LONRF1: variants seen among roughly 807,000 people sequenced by gnomAD.
LONRF1 encodes the protein LON peptidase N-terminal domain and RING finger protein 1.
A neutral mutation model predicts 85.8 loss-of-function variants in LONRF1; 37 were observed. The ratio of observed to expected loss-of-function variants is 0.43; its 90% CI spans 0.33 to 0.57. The LOEUF (loss-of-function observed/expected upper bound fraction) is 0.57, where lower values mean the gene tolerates loss of function less well. Ranked by LOEUF, LONRF1 falls within the 20% of genes least tolerant of loss-of-function variation. LONRF1 has a pLI of 0.04. For missense variants in LONRF1, 1,036 were observed against 978.0 expected (o/e 1.06, Z -0.79); for synonymous variants, 517 against 390.1 (o/e 1.33, Z -3.83).
In LONRF1 at chr8:12,722,273, A is replaced by T. The variant is rs1805919551; in HGVS notation, c.*823T>A. Reference sequence around the variant, plus strand: ...TATAAATTACACAAATGGGCAGTTAATGTGAAAAGCCCCCTAAAATGTACA... The same window carrying T: ...TATAAATTACACAAATGGGCAGTTATTGTGAAAAGCCCCCTAAAATGTACA... On this transcript the variant is annotated 3_prime_UTR_variant, in exon 12 of 12. Transcript: ENST00000398246. 6.5e-6 allele frequency: 1 copy of T among 152,682 alleles called. No homozygotes were observed. The highest frequency in any genetic ancestry group is 1.5e-5 in the Non-Finnish European group (1 of 68,042). The allele number at this position is 152,682 out of a possible 1,614,324, so 9.5% of individuals were successfully genotyped here.
At chr8:12,752,392 T>C (rs987134790) in intron 1 of LONRF1, among the ~76,000 whole-genome samples, 1 of 152,224 alleles carries the variant, frequency 6.6e-6, no homozygotes, top group East Asian at 1.9e-4. Context: ...TGAGATTTTT[T>C]TCCTGTTAGT....
chr8:12,738,249 C>T (rs1798797580), intron 3 of LONRF1, 105 bp from the exon 4 acceptor site: 1 of 786,428 alleles, frequency 1.3e-6, no homozygotes, highest in African/African-American at 1.8e-5. Context: ...TTGTAGCAGA[C>T]ATTTTTTTAA....
intron 7 of LONRF1, among the ~76,000 whole-genome samples, chr8:12,732,488 A>G (rs978791765): frequency 6.6e-6 from 1 of 152,130 alleles, no homozygotes; most frequent in East Asian, 1.9e-4. Context: ...GCTCTATATA[A>G]AATCTTACAT....
intron 2 of LONRF1, 63 bp from the exon 3 acceptor site, chr8:12,741,059 C>T (rs1342219572): frequency 1.9e-6 from 3 of 1,579,122 alleles, no homozygotes; most frequent in East Asian, 4.5e-5. Context: ...AAATCATTAT[C>T]AAGTAAAGAA....
chr8:12,725,322 T>C (rs1426891196), intron 11 of LONRF1, among the ~76,000 whole-genome samples: 1 of 152,218 alleles, frequency 6.6e-6, no homozygotes, highest in Non-Finnish European at 1.5e-5. Flanking sequence ...GTTTCAAATG[T>C]ATAGAAAATG....
intron 4 of LONRF1, 88 bp from the exon 5 acceptor site, chr8:12,737,228 A>G (rs1185861720): frequency 9.0e-6 from 12 of 1,329,724 alleles, no homozygotes; most frequent in Non-Finnish European, 1.3e-5. Flanking sequence ...TGAAATTTCA[A>G]TGCCTTATAA....
chr8:12,754,134 CG>C (rs1799527833), intron 1 of LONRF1: 1 of 152,152 alleles, frequency 6.6e-6, no homozygotes, highest in Admixed American at 6.5e-5. Context: ...CGTTACACAA[CG>C]CCCCCCGCCC....
intron 3 of LONRF1, among the ~76,000 whole-genome samples, chr8:12,739,531 TTC>T (rs1798849346): frequency 1.3e-5 from 2 of 151,858 alleles, no homozygotes; most frequent in South Asian, 2.1e-4. Context: ...GATGGAAATA[TTC>T]TCTGTTTTGA....
chr8:12,755,363 C>T lies in LONRF1; in HGVS notation c.58G>A (p.Ala20Thr), dbSNP rs866560795. 1 of 1,212,214 alleles carries T rather than the reference C, an allele frequency of 8.2e-7. No individual in the cohort carries two copies. The highest frequency in any genetic ancestry group is 1.0e-6 in the Non-Finnish European group (1 of 973,202). The allele number at this position is 1,212,214 out of a possible 1,614,324, so 75.1% of individuals were successfully genotyped here. The change falls in exon 1 of 12, where the codon GCG (alanine) becomes ACG (threonine). Residue 20 changes from alanine to threonine, a missense_variant. Physicochemically the swap from Ala to Thr is moderately conservative, Grantham distance 58. Around this residue, in one of 3 missense-constraint regions of LONRF1, gnomAD observed 742 missense variants for 614.4 expected, o/e 1.21. Transcript: ENST00000398246. ...CAGAACCGGCCTCGGCCCTGCGGCG[C>T]TGGGGCCATCTCCCGACTCCCTCCT... ...SPGGSREMAPAPQGRGRFWEV... is the reference protein window; with the variant it reads ...SPGGSREMAPTPQGRGRFWEV...
chr8:12,754,196 T>G, intron 1 of LONRF1: 1 of 152,172 alleles, frequency 6.6e-6, no homozygotes, highest in Non-Finnish European at 1.5e-5. Flanking sequence ...CCCGGTGACT[T>G]TTGTGGGTGA....
chr8:12,739,586 C>A (rs763291622), intron 3 of LONRF1, among the ~76,000 whole-genome samples: 4 of 152,148 alleles, frequency 2.6e-5, no homozygotes, highest in Non-Finnish European at 4.4e-5. Context: ...TCAAAACTCA[C>A]TGACGTGTAA....
At chr8:12,747,096 T>C (rs574002644) in intron 1 of LONRF1, among the ~76,000 whole-genome samples, 1 of 152,244 alleles carries the variant, frequency 6.6e-6, no homozygotes, top group Non-Finnish European at 1.5e-5. Flanking sequence ...TTAGAAAAAA[T>C]TCATTAAAAT....
chr8:12,724,917 C>T lies in LONRF1; in HGVS notation c.2163+810G>A, dbSNP rs1342878820. Among the ~76,000 whole-genome samples, 9 of 152,160 alleles carry T rather than the reference C, an allele frequency of 5.9e-5. No homozygotes were observed. In the South Asian group the frequency reaches 1.0e-3, roughly 18 times the overall value. On this transcript the variant is annotated intron_variant, in intron 11 of 11. Transcript: ENST00000398246. ...ACAAATGTAGACCAACCCTTGAAAA[C>T]GGGAATGAGGCAGTGTGCATTACAA...
At chr8:12,730,332 A>T (rs1338387951) in intron 8 of LONRF1, among the ~76,000 whole-genome samples, 1 of 152,212 alleles carries the variant, frequency 6.6e-6, no homozygotes, top group Non-Finnish European at 1.5e-5. Context: ...AAGTTTGGAA[A>T]TATGTATGCC....
At chr8:12,735,162 G>C (rs1395302783) in intron 7 of LONRF1, 124 bp downstream of exon 7, 10 of 647,270 alleles carry the variant, frequency 1.5e-5, no homozygotes, top group Non-Finnish European at 2.7e-5. Flanking sequence ...CATTATCCTT[G>C]TTAGTCACTC....
chr8:12,749,958 T>C (rs749025593), intron 1 of LONRF1, among the ~76,000 whole-genome samples: 2 of 152,228 alleles, frequency 1.3e-5, no homozygotes, highest in African/African-American at 2.4e-5. Context: ...GCCTGGTATA[T>C]AGTAGCTACT....
intron 1 of LONRF1, chr8:12,752,981 A>C (rs1464334374): frequency 1.3e-5 from 2 of 152,236 alleles, no homozygotes; most frequent in African/African-American, 4.8e-5. Flanking sequence ...ACGGTGTGCA[A>C]GTCTTCACTG....
chr8:12,733,973 C>G (rs1156491400), intron 7 of LONRF1, among the ~76,000 whole-genome samples: 2 of 152,036 alleles, frequency 1.3e-5, no homozygotes, highest in Admixed American at 1.3e-4. Flanking sequence ...TTTTCAATCT[C>G]CAGACATTTT....
At chr8:12,723,455 G>C (rs1322252879) in intron 11 of LONRF1, among the ~76,000 whole-genome samples, 1 of 152,176 alleles carries the variant, frequency 6.6e-6, no homozygotes, top group East Asian at 1.9e-4. Flanking sequence ...AAGATCTCTT[G>C]GCTCTTATGT....
Sources: gnomAD v4.1 joint callset for allele counts (sites outside exome capture counted in the v4.1 genomes callset) on GRCh38, gnomAD v4.1.1 for gene constraint, gnomAD v4.1.1 regional missense constraint, MANE v1.5 for transcripts, NCBI Gene and HGNC (gene_info 2026-07-23, HGNC 2026-07-21) for gene names.